Variants in ZHX2 observed in about 807,000 individuals in gnomAD.
The protein encoded by ZHX2 is zinc fingers and homeoboxes protein 2.
A neutral mutation model predicts 21.9 loss-of-function variants in ZHX2; 6 were observed. The observed-to-expected ratio is 0.27, with a 90% confidence interval of 0.15 to 0.54. The LOEUF is 0.54. ZHX2 is among the 20% of genes least tolerant of loss of function. The pLI, the probability that ZHX2 is intolerant of heterozygous loss-of-function variation, is 0.95. For synonymous variants in ZHX2, 434 were observed against 437.1 expected (o/e 0.99, Z 0.09); for missense variants, 908 against 1,090.7 (o/e 0.83, Z 2.36).
intron 3 of ZHX2, among the ~76,000 whole-genome samples, chr8:122,970,327 C>T (rs1034513092): frequency 8.5e-5 from 13 of 152,246 alleles, no homozygotes; most frequent in Non-Finnish European, 1.6e-4. Flanking sequence ...GCACTATGCT[C>T]ACTTTCCATT....
intron 1 of ZHX2, among the ~76,000 whole-genome samples, chr8:122,862,380 G>C (rs903296911): frequency 1.3e-5 from 2 of 152,206 alleles, no homozygotes; most frequent in African/African-American, 4.8e-5. Flanking sequence ...TGGAGAATGG[G>C]CTGCAACTTC....
chr8:122,964,438 G>A (rs1330191906), intron 3 of ZHX2, among the ~76,000 whole-genome samples: 1 of 151,852 alleles, frequency 6.6e-6, no homozygotes, highest in Admixed American at 6.6e-5. Flanking sequence ...TTAATGTGGT[G>A]TATCACATTT....
At chr8:122,892,168 T>C (rs1819997153) in intron 2 of ZHX2, among the ~76,000 whole-genome samples, 1 of 152,244 alleles carries the variant, frequency 6.6e-6, no homozygotes, top group African/African-American at 2.4e-5. Flanking sequence ...CATTTATCAC[T>C]ATATAATGAC....
intron 2 of ZHX2, among the ~76,000 whole-genome samples, chr8:122,938,435 G>A (rs1201956342): frequency 6.6e-6 from 1 of 152,142 alleles, no homozygotes; most frequent in Non-Finnish European, 1.5e-5. Flanking sequence ...CTGCAAGGAC[G>A]AGCTCAGATC....
At chr8:122,897,351 G>A (rs1820122263) in intron 2 of ZHX2, among the ~76,000 whole-genome samples, 1 of 152,202 alleles carries the variant, frequency 6.6e-6, no homozygotes, top group Non-Finnish European at 1.5e-5. Context: ...ACCACCATGA[G>A]TTAGTGCTTT....
chr8:122,966,374 T>C (rs1002812225), intron 3 of ZHX2, among the ~76,000 whole-genome samples: 1 of 152,232 alleles, frequency 6.6e-6, no homozygotes, highest in Non-Finnish European at 1.5e-5. Context: ...TCAGTATTTG[T>C]TTGTCTGAAA....
At chr8:122,919,217 C>T (rs1187443016) in intron 2 of ZHX2, among the ~76,000 whole-genome samples, 1 of 152,194 alleles carries the variant, frequency 6.6e-6, no homozygotes, top group Non-Finnish European at 1.5e-5. Flanking sequence ...TCATCTCTTC[C>T]TCCTTCAATG....
rs1287815909 is a variant in ZHX2, at chr8:122,801,586, A to C, written c.-283+19640A>C. On this transcript the variant is annotated intron_variant, in intron 1 of 3. Transcript: ENST00000314393. ...CAACATAGTGAAATGCCATCTCTAC[A>C]AAAAAAAAAAAAAAAATTGCCAGGC... Among the ~76,000 whole-genome samples, 6 of 26,434 alleles carry C rather than the reference A, an allele frequency of 2.3e-4. No individual in the cohort carries two copies. The East Asian group carries it at 3.7e-3, about 16-fold the overall frequency. The allele number at this position is 26,434 out of a possible 152,430, so 17.3% of individuals were successfully genotyped here.
At chr8:122,960,543 T>C (rs191515613) in intron 3 of ZHX2, among the ~76,000 whole-genome samples, 4 of 151,862 alleles carry the variant, frequency 2.6e-5, no homozygotes, top group Admixed American at 2.0e-4. Context: ...ATCTCAAAAA[T>C]AATAATAAAT....
At chr8:122,902,108 C>T (rs1025115555) in intron 2 of ZHX2, among the ~76,000 whole-genome samples, 7 of 152,220 alleles carry the variant, frequency 4.6e-5, no homozygotes, top group Admixed American at 2.6e-4. Flanking sequence ...TGAGCTTGCA[C>T]ATTTGTCTTC....
chr8:122,938,079 G>A (rs1412378012), intron 2 of ZHX2, among the ~76,000 whole-genome samples: 1 of 151,864 alleles, frequency 6.6e-6, no homozygotes, highest in African/African-American at 2.4e-5. Context: ...GGGACTACAG[G>A]TGTGTGCCAC....
intron 2 of ZHX2, among the ~76,000 whole-genome samples, chr8:122,926,209 A>C (rs1820847866): frequency 6.6e-6 from 1 of 152,060 alleles, no homozygotes; most frequent in African/African-American, 2.4e-5. Context: ...AAACTGTCTT[A>C]ATTGGTATGG....
In ZHX2 at chr8:122,886,943, T is replaced by G. The variant is rs551656051; in HGVS notation, c.-220+23404T>G. Among the ~76,000 whole-genome samples, 73 of 152,172 alleles carry G rather than the reference T, an allele frequency of 4.8e-4. 1 individual carries two copies. Among genetic ancestry groups the G allele is most frequent in the South Asian group, 1.0e-3 (5 of 4,820 alleles). ...TTTTATAAGACAAGGAAATGGAGGC[T>G]CAGATAGGTTAAGGCATGTGCCCAG... On this transcript the variant is annotated intron_variant, in intron 2 of 3. Transcript: ENST00000314393.
intron 2 of ZHX2, among the ~76,000 whole-genome samples, chr8:122,911,990 C>A (rs1820491457): frequency 6.6e-6 from 1 of 152,158 alleles, no homozygotes. Flanking sequence ...CCCCTGGAAT[C>A]CCTGGCTAAG....
chr8:122,896,824 C>A (rs532407263), intron 2 of ZHX2, among the ~76,000 whole-genome samples: 2 of 152,294 alleles, frequency 1.3e-5, no homozygotes, highest in African/African-American at 4.8e-5. Flanking sequence ...TCAACCCTTG[C>A]TTGGTTGTGC....
At chr8:122,929,234 A>G (rs7013638) in intron 2 of ZHX2, among the ~76,000 whole-genome samples, 132,647 of 152,246 alleles carry the variant, frequency 0.87, 58,123 homozygotes, top group African/African-American at 0.97. Flanking sequence ...TTGATCAGCC[A>G]GAGCTCCTTG....
chr8:122,913,108 A>G (rs1471359684), intron 2 of ZHX2, among the ~76,000 whole-genome samples: 1 of 152,204 alleles, frequency 6.6e-6, no homozygotes, highest in African/African-American at 2.4e-5. Context: ...ACTTCATATG[A>G]AGGGAATCAT....
intron 1 of ZHX2, among the ~76,000 whole-genome samples, chr8:122,825,279 T>C (rs1427307332): frequency 6.6e-6 from 1 of 152,154 alleles, no homozygotes; most frequent in East Asian, 1.9e-4. Flanking sequence ...CTGTGCCCCA[T>C]TGTCACAGTA....
intron 1 of ZHX2, among the ~76,000 whole-genome samples, chr8:122,861,408 TATAAC>T (rs1332355060): frequency 1.3e-5 from 2 of 152,224 alleles, no homozygotes; most frequent in Admixed American, 6.5e-5. Context: ...TGATGTCTGA[TATAAC>T]ATAATGACTC....
Sources: allele counts gnomAD v4.1 joint callset (sites outside exome capture counted in the v4.1 genomes callset), GRCh38; gene constraint gnomAD v4.1.1; transcripts MANE v1.5; gene names NCBI Gene and HGNC (gene_info 2026-07-23, HGNC 2026-07-21).